The following LAMA5 variants were observed in gnomAD, a reference collection of about 807,000 sequenced individuals.
LAMA5 encodes laminin subunit alpha-5.
LAMA5 carries 260 observed loss-of-function variants against 433.4 expected under a neutral mutation model. The ratio of observed to expected loss-of-function variants is 0.60; its 90% confidence interval spans 0.54 to 0.66. The LOEUF is 0.66. Ranked by LOEUF, LAMA5 falls within the 30% of genes least tolerant of loss-of-function variation. The pLI is 0.00. For missense variants in LAMA5, 5,378 were observed against 5,258.5 expected (o/e 1.02, Z -0.70); for synonymous variants, 2,620 against 2,226.6 (o/e 1.18, Z -4.97).
chr20:62,317,860 G>A (rs906563654), intron 53 of LAMA5, 82 bp from the exon 54 acceptor site: 2 of 206,290 alleles, frequency 9.7e-6, no homozygotes, highest in Non-Finnish European at 1.5e-5. Flanking sequence ...GCAGGGCAGG[G>A]AAGGGAGAAG....
intron 51 of LAMA5, 144 bp from the exon 52 acceptor site, chr20:62,319,157 G>A: frequency 1.2e-6 from 1 of 822,712 alleles, no homozygotes; most frequent in Non-Finnish European, 1.8e-6. Context: ...GGCCCCTAGA[G>A]CACCTGGCGA....
rs767232359 is a variant in LAMA5, at chr20:62,313,115, G to A, written c.8928C>T (p.Ser2976=). The change falls in exon 65 of 80, where the codon AGC becomes AGT. Residue 2976 remains serine, a synonymous_variant. Coordinates refer to ENST00000252999, the MANE Select transcript of LAMA5 (RefSeq NM_005560.6). ...FEQELRLVSY[S]GVLFFLKQQS... ...GCTGCTTCAGGAAGAAGAGCACCCC[G>A]CTGTAGGACACGAGCCGCAGCTCCT... The A allele has an allele frequency of 8.7e-5, 140 of 1,609,046 alleles. No individual in the cohort carries two copies. The highest frequency in any genetic ancestry group is 2.2e-4 in the Admixed American group (13 of 59,968).
Position 62,333,333 on chromosome 20 carries a change from A to G in LAMA5, c.3128+42T>C, listed in dbSNP as rs888155047. On this transcript the variant is annotated intron_variant, in intron 25 of 79. Transcript: ENST00000252999. ...GGGAAGCCAGGCACAGTGGGGGTCC[A>G]GGAAGCCCCCACCCCGGTCCCACCG... The G allele has an allele frequency of 1.9e-6, 3 of 1,592,496 alleles. No homozygotes were observed. In the African/African-American group the frequency reaches 4.3e-5, roughly 23 times the overall value.
intron 30 of LAMA5, 50 bp from the exon 31 acceptor site, chr20:62,330,664 C>A (rs1418233731): frequency 6.4e-7 from 1 of 1,563,220 alleles, no homozygotes; most frequent in African/African-American, 1.3e-5. Flanking sequence ...CCCCTGCTGC[C>A]CCCTGGACAA....
At position 62,333,570 on chromosome 20, in the gene LAMA5, C is replaced by A; in HGVS notation, c.3015G>T (p.Val1005=). ...ACTCTGGCCCCTGCCTCACCAGGAGCACCCCTTCGGCCTCCACACGCAGGG... is the reference window on the plus strand; with the variant it reads ...ACTCTGGCCCCTGCCTCACCAGGAGAACCCCTTCGGCCTCCACACGCAGGG... The part of the protein sequence containing the change: ...TWALRVEAEG[V]LLDYVVLLPS... Residue 1005 remains valine (V), a synonymous_variant, in exon 24 of 80, where the codon GTG becomes GTT. Coordinates refer to ENST00000252999, the MANE Select transcript of LAMA5 (RefSeq NM_005560.6). 1 of 1,565,394 alleles carries A rather than the reference C, an allele frequency of 6.4e-7. No individual in the cohort carries two copies. The highest frequency in any genetic ancestry group is 2.4e-5 in the East Asian group (1 of 42,348).
Position 62,325,543 on chromosome 20 carries a change from T to C in LAMA5, c.5302A>G (p.Asn1768Asp). 1.2e-6 allele frequency: 2 copies of C among 1,603,628 alleles called. No homozygotes were observed. Among genetic ancestry groups the C allele is most frequent in the Non-Finnish European group, 8.5e-7 (1 of 1,173,942 alleles). Residue 1768 changes from asparagine to aspartate, a missense_variant, in exon 41 of 80, where the codon AAC (asparagine) becomes GAC (aspartate). Physicochemically the swap from Asn to Asp is conservative, Grantham distance 23. Coordinates refer to ENST00000252999, the MANE Select transcript of LAMA5 (RefSeq NM_005560.6). ...TTGCGCGTCTCCGTATGCCGGAAGT[T>C]CCCCTGTGGGTCCAGGATGGCACCT... ...HRGQLQLVEG[N>D]FRHTETRNTV...
intron 2 of LAMA5, 40 bp downstream of exon 2, chr20:62,362,360 A>C: frequency 7.0e-7 from 1 of 1,431,390 alleles, no homozygotes; most frequent in Non-Finnish European, 9.2e-7. Context: ...GGGCACAGAC[A>C]CAGAGATGGG....
At position 62,316,916 on chromosome 20, in the gene LAMA5, C is replaced by G; in HGVS notation, c.7619G>C (p.Gly2540Ala). ...GTGGTCCGCCTGCTGCAGGGCCTGG[C>G]CAGCAGCATCCTCGGCAGCCTGCAC... ...QAVQAAEDAAGQALQQADHTW... is the reference protein window; with the variant it reads ...QAVQAAEDAAAQALQQADHTW... The change falls in exon 56 of 80, where the codon GGC becomes GCC. Residue 2540 changes from glycine to alanine, a missense_variant. By Grantham distance (60) the Gly-to-Ala change is moderately conservative. Coordinates refer to ENST00000252999, the MANE Select transcript of LAMA5 (RefSeq NM_005560.6). 6.5e-7 allele frequency: 1 copy of G among 1,545,132 alleles called. No homozygotes were observed. The highest frequency in any genetic ancestry group is 8.7e-7 in the Non-Finnish European group (1 of 1,143,590).
rs543496033 is a variant in LAMA5 at position 62,309,121 on chromosome 20, A to ATCTC, written c.*211_*214dup. 9.8e-6 allele frequency: 6 copies of ATCTC among 613,824 alleles called. No individual in the cohort carries two copies. The highest frequency in any genetic ancestry group is 1.6e-5 in the Non-Finnish European group (6 of 366,548). 38.0% of individuals were successfully genotyped at this position (613,824 alleles called of 1,614,324 possible). A position where few individuals can be genotyped will look rare whatever the true frequency, so the allele number is the denominator to read the frequency against. The stretch of plus-strand genomic sequence containing the variant: ...AGGAACCAGTGATGATTGGTGACAA[A>ATCTC]TCTCTCACAATTAAAAATGGGTGGA... On this transcript the variant is annotated 3_prime_UTR_variant, in exon 80 of 80. Coordinates refer to ENST00000252999, the MANE Select transcript of LAMA5 (RefSeq NM_005560.6).
chr20:62,335,181 C>A (rs773086789), intron 19 of LAMA5, 36 bp downstream of exon 19: 2 of 1,612,118 alleles, frequency 1.2e-6, no homozygotes, highest in Non-Finnish European at 1.7e-6. Context: ...GACCAGTGTG[C>A]CCCCAAATCC....
intron 28 of LAMA5, among the ~76,000 whole-genome samples, 196 bp from the exon 29 acceptor site, chr20:62,331,325 T>G: frequency 1.9e-5 from 2 of 106,256 alleles, no homozygotes; most frequent in South Asian, 3.6e-4. Flanking sequence ...GTGCAGGCGG[T>G]ACGATGGGGG....
At chr20:62,332,769 C>A in intron 26 of LAMA5, 52 bp from the exon 27 acceptor site, 1 of 1,581,246 alleles carries the variant, frequency 6.3e-7, no homozygotes, top group Admixed American at 1.9e-5. Flanking sequence ...CCCTTCCCAC[C>A]TCCCTCCCCT....
chr20:62,310,335 G>A, intron 76 of LAMA5, 24 bp from the exon 77 acceptor site: 8 of 1,581,596 alleles, frequency 5.1e-6, no homozygotes, highest in South Asian at 1.2e-5. Context: ...TTGTGATGGA[G>A]AAGAAAGGGG....
In LAMA5 at chr20:62,328,969, T is replaced by C; in HGVS notation, c.4322A>G (p.His1441Arg). The C allele has an allele frequency of 6.2e-7, 1 of 1,612,456 alleles. No individual in the cohort carries two copies. Among genetic ancestry groups the C allele is most frequent in the Non-Finnish European group, 8.5e-7 (1 of 1,179,714 alleles). ...YNNGARPCGCHEVGATGPTCE... is the reference protein window; with the variant it reads ...YNNGARPCGCREVGATGPTCE... ...CGTGGGGCCTGTAGCACCTACTTCGTGGCAGCCACATGGACGGGCTCCGTT... is the reference window on the plus strand; with the variant it reads ...CGTGGGGCCTGTAGCACCTACTTCGCGGCAGCCACATGGACGGGCTCCGTT... Residue 1441 changes from histidine (H) to arginine (R), a missense_variant, in exon 34 of 80, where the codon CAC (histidine) becomes CGC (arginine). His to Arg is a conservative substitution (Grantham distance 29, BLOSUM62 0). Transcript: ENST00000252999.
chr20:62,336,492 C>A, intron 17 of LAMA5, 47 bp from the exon 18 acceptor site: 1 of 1,501,174 alleles, frequency 6.7e-7, no homozygotes, highest in Non-Finnish European at 9.2e-7. Flanking sequence ...CCTGCTCTCC[C>A]ACCCACAAAC....
In LAMA5 at chr20:62,313,423, C is replaced by T. The variant is rs1259609696; in HGVS notation, c.8696G>A (p.Cys2899Tyr). ...CTCATTCAGCGTGTCCATCTCGATG[C>T]AGCCCCGGTAGCCGGGGAAGCGAAG... ...PLLRFPGYRGCIEMDTLNEEV... is the reference protein window; with the variant it reads ...PLLRFPGYRGYIEMDTLNEEV... The change falls in exon 64 of 80, where the codon TGC (cysteine) becomes TAC (tyrosine). Residue 2899 changes from cysteine (C) to tyrosine (Y), a missense_variant. Coordinates refer to ENST00000252999, the MANE Select transcript of LAMA5 (RefSeq NM_005560.6). 3.7e-6 allele frequency: 6 copies of T among 1,610,542 alleles called. No homozygotes were observed. The highest frequency in any genetic ancestry group is 4.2e-6 in the Non-Finnish European group (5 of 1,179,106).
chr20:62,317,245 G>T (rs1987040336), intron 55 of LAMA5, 100 bp downstream of exon 55: 2 of 1,321,352 alleles, frequency 1.5e-6, no homozygotes, highest in African/African-American at 1.5e-5. Flanking sequence ...GAGGACAACG[G>T]CCTCAGCCCC....
chr20:62,320,266 C>T (rs1418054982), intron 50 of LAMA5, among the ~76,000 whole-genome samples: 1 of 132,206 alleles, frequency 7.6e-6, no homozygotes, highest in Non-Finnish European at 1.5e-5. Context: ...TATGGTAAGC[C>T]GAGATCGAGC....
intron 2 of LAMA5, among the ~76,000 whole-genome samples, chr20:62,354,828 G>C (rs1254579221): frequency 6.6e-6 from 1 of 152,142 alleles, no homozygotes; most frequent in Non-Finnish European, 1.5e-5. Flanking sequence ...GAGGCTCCAA[G>C]GGAGGGTGAG....
Sources: gnomAD v4.1 joint callset for allele counts (sites outside exome capture counted in the v4.1 genomes callset) on GRCh38, gnomAD v4.1.1 for gene constraint, MANE v1.5 for transcripts, NCBI Gene and HGNC (gene_info 2026-07-23, HGNC 2026-07-21) for gene names.